RFX3: variants seen among roughly 807,000 people sequenced by gnomAD.
The protein encoded by RFX3 is transcription factor RFX3.
RFX3 carries 14 observed loss-of-function variants against 98.6 expected under a neutral mutation model. The observed-to-expected ratio is 0.14, with a 90% CI of 0.09 to 0.22. RFX3 has a LOEUF of 0.22. RFX3 is among the 10% of genes least tolerant of loss of function. The probability of loss-of-function intolerance (pLI) is 1.00; values close to 1 mark genes in which losing one functional copy is unlikely to be tolerated. For missense variants in RFX3, 639 were observed against 926.9 expected (o/e 0.69, Z 4.03); for synonymous variants, 383 against 328.4 (o/e 1.17, Z -1.80).
At position 3,513,452 on chromosome 9, in the gene RFX3, C is replaced by T. The variant is rs188749386; in HGVS notation, c.-9+12295G>A. 9.5e-4 allele frequency among the ~76,000 whole-genome samples: 145 copies of T among 152,184 alleles called. No individual in the cohort carries two copies. In the Middle Eastern group the frequency reaches 0.014, roughly 14 times the overall value. On this transcript the variant is annotated intron_variant, in intron 1 of 16. Coordinates refer to ENST00000617270, the MANE Select transcript of RFX3 (RefSeq NM_001282116.2). ...CATTCCTTCAGATTAAGGTGTTGTT[C>T]TGGGCATGGGGTGCCATCTATTGGC...
intron 2 of RFX3, among the ~76,000 whole-genome samples, chr9:3,355,504 C>G (rs1350131251): frequency 6.6e-6 from 1 of 151,512 alleles, no homozygotes; most frequent in Non-Finnish European, 1.5e-5. Context: ...AATAATAAAT[C>G]CTACATGTCT....
chr9:3,353,604 A>C (rs922222030), intron 2 of RFX3, among the ~76,000 whole-genome samples: 4 of 152,052 alleles, frequency 2.6e-5, no homozygotes, highest in Non-Finnish European at 5.9e-5. Flanking sequence ...GTAGGGCTGT[A>C]CTAGCTCTAG....
intron 11 of RFX3, among the ~76,000 whole-genome samples, chr9:3,266,606 G>C (rs1199832793): frequency 6.6e-6 from 1 of 151,890 alleles, no homozygotes; most frequent in African/African-American, 2.4e-5. Flanking sequence ...TATACTTAAA[G>C]AATTTTCTTG....
rs562907863 is a variant in RFX3 at position 3,441,308 on chromosome 9, T to TGA, written c.-8-45714_-8-45713dup. On this transcript the variant is annotated intron_variant, in intron 1 of 16. Coordinates refer to ENST00000617270, the MANE Select transcript of RFX3 (RefSeq NM_001282116.2). ...ATATACAAATGGACAGCTACAGAAT[T>TGA]GAGAGAGAGAGAGAGAGAGAGAGAT... Among the ~76,000 whole-genome samples, 1,425 of 147,168 alleles carry TGA rather than the reference T, an allele frequency of 9.7e-3. 17 individuals carry two copies. The highest frequency in any genetic ancestry group is 0.017 in the Middle Eastern group (5 of 290).
chr9:3,289,101 G>C (rs1304372946), intron 6 of RFX3, among the ~76,000 whole-genome samples: 4 of 152,046 alleles, frequency 2.6e-5, no homozygotes, highest in Non-Finnish European at 5.9e-5. Flanking sequence ...TTATTGCAAA[G>C]AGAAAATAGT....
chr9:3,245,288 G>A (rs1820513311), intron 15 of RFX3, among the ~76,000 whole-genome samples: 1 of 152,186 alleles, frequency 6.6e-6, no homozygotes, highest in Non-Finnish European at 1.5e-5. Flanking sequence ...GAGGCTTCCA[G>A]GTAGAAAGAA....
At chr9:3,276,317 G>A (rs540660254) in intron 8 of RFX3, among the ~76,000 whole-genome samples, 7 of 152,162 alleles carry the variant, frequency 4.6e-5, no homozygotes, top group South Asian at 4.1e-4. Context: ...TGAGGGAGGC[G>A]TAATTTACAT....
intron 5 of RFX3, among the ~76,000 whole-genome samples, chr9:3,299,499 G>A (rs1407640350): frequency 2.6e-5 from 4 of 151,648 alleles, no homozygotes; most frequent in African/African-American, 4.8e-5. Flanking sequence ...GAACTTCACT[G>A]TGCCTCAAGG....
At chr9:3,467,785 A>G (rs979270156) in intron 1 of RFX3, among the ~76,000 whole-genome samples, 1 of 152,192 alleles carries the variant, frequency 6.6e-6, no homozygotes, top group Admixed American at 6.5e-5. Flanking sequence ...AGAGGCTGCC[A>G]GTGTACAAGC....
chr9:3,412,881 G>A (rs1842576466), intron 1 of RFX3, among the ~76,000 whole-genome samples: 1 of 152,052 alleles, frequency 6.6e-6, no homozygotes, highest in African/African-American at 2.4e-5. Context: ...CACCAATGTT[G>A]AAAACCTGTT....
At chr9:3,312,573 T>TAA (rs544770386) in intron 4 of RFX3, among the ~76,000 whole-genome samples, 1 of 134,370 alleles carries the variant, frequency 7.4e-6, no homozygotes, top group Non-Finnish European at 1.6e-5. Context: ...AATCCTCAAT[T>TAA]AAAAAAAAAA....
Position 3,224,825 on chromosome 9 carries a change from G to A in RFX3, c.*217C>T, listed in dbSNP as rs1320820337. The A allele has an allele frequency of 2.3e-6, 1 of 441,172 alleles. No individual in the cohort carries two copies. The highest frequency in any genetic ancestry group is 2.0e-5 in the African/African-American group (1 of 50,134). The allele number at this position is 441,172 out of a possible 1,614,324, so 27.3% of individuals were successfully genotyped here. A position where few individuals can be genotyped will look rare whatever the true frequency, so the allele number is the denominator to read the frequency against. ...AATCCTTCTTGACACCTGAAACTAA[G>A]GGAAAAAATTCATTATTAAGAAGCA... On this transcript the variant is annotated 3_prime_UTR_variant, in exon 17 of 17. Transcript: ENST00000617270.
intron 1 of RFX3, among the ~76,000 whole-genome samples, chr9:3,497,710 T>C (rs1325775811): frequency 1.4e-5 from 2 of 140,440 alleles, no homozygotes; most frequent in Non-Finnish European, 3.0e-5. Context: ...GCAAAAGTGT[T>C]ACAAAAAAAT....
At chr9:3,465,169 C>T (rs1335114139) in intron 1 of RFX3, among the ~76,000 whole-genome samples, 1 of 152,144 alleles carries the variant, frequency 6.6e-6, no homozygotes, top group Non-Finnish European at 1.5e-5. Flanking sequence ...ACTCTTTACC[C>T]CTATAAATCA....
At chr9:3,493,234 A>G (rs1850849553) in intron 1 of RFX3, among the ~76,000 whole-genome samples, 1 of 152,162 alleles carries the variant, frequency 6.6e-6, no homozygotes, top group Admixed American at 6.5e-5. Context: ...AGTCTTTCTC[A>G]ATTAAAAGCC....
At chr9:3,464,854 C>T (rs552281701) in intron 1 of RFX3, among the ~76,000 whole-genome samples, 4 of 152,098 alleles carry the variant, frequency 2.6e-5, no homozygotes, top group South Asian at 4.2e-4. Flanking sequence ...TGATAACTTA[C>T]CCATCCAAGA....
chr9:3,498,710 G>T (rs1049350056), intron 1 of RFX3, among the ~76,000 whole-genome samples: 1 of 152,036 alleles, frequency 6.6e-6, no homozygotes, highest in African/African-American at 2.4e-5. Flanking sequence ...TAAGAAGGTT[G>T]CCCATTTTTG....
chr9:3,522,043 TAAAAA>T (rs112892773), intron 1 of RFX3, among the ~76,000 whole-genome samples: 2 of 144,982 alleles, frequency 1.4e-5, no homozygotes, highest in East Asian at 4.0e-4. Flanking sequence ...ACTTTTACTT[TAAAAA>T]AAAAAAACTT....
chr9:3,425,997 T>A (rs1428324906), intron 1 of RFX3, among the ~76,000 whole-genome samples: 1 of 152,202 alleles, frequency 6.6e-6, no homozygotes, highest in Non-Finnish European at 1.5e-5. Flanking sequence ...CACAGTAGAA[T>A]TTATTAAAAC....
Sources: allele counts gnomAD v4.1 joint callset (sites outside exome capture counted in the v4.1 genomes callset), GRCh38; gene constraint gnomAD v4.1.1; transcripts MANE v1.5; gene names NCBI Gene and HGNC (gene_info 2026-07-23, HGNC 2026-07-21).